RAD51B: variants seen among roughly 807,000 people sequenced by gnomAD.
RAD51B encodes RAD51 paralog B.
In RAD51B, 38 loss-of-function variants were observed where a neutral mutation model predicts 42.2. The ratio of observed to expected loss-of-function variants is 0.90; its 90% confidence interval spans 0.70 to 1.18. The LOEUF (loss-of-function observed/expected upper bound fraction) is 1.18. Ranked by LOEUF, RAD51B falls within the 50% of genes most tolerant of loss-of-function variation. The pLI is 0.00. For missense variants in RAD51B, 373 were observed against 400.7 expected, an observed-to-expected ratio of 0.93 and a Z score of 0.59; for synonymous variants, 154 against 145.2, an observed-to-expected ratio of 1.06 and a Z score of -0.43.
intron 7 of RAD51B, among the ~76,000 whole-genome samples, chr14:68,172,004 G>A (rs2078883662): frequency 6.6e-6 from 1 of 152,168 alleles, no homozygotes; most frequent in Admixed American, 6.6e-5. Context: ...ACCACACCCA[G>A]CCATATTTCT....
At chr14:68,236,044 C>T (rs1003190111) in intron 7 of RAD51B, among the ~76,000 whole-genome samples, 3 of 152,028 alleles carry the variant, frequency 2.0e-5, no homozygotes, top group Admixed American at 1.3e-4. Flanking sequence ...ATAACAGACA[C>T]CAGGGCCTAC....
intron 7 of RAD51B, among the ~76,000 whole-genome samples, chr14:67,948,520 A>G (rs2074377088): frequency 2.0e-5 from 3 of 152,304 alleles, no homozygotes; most frequent in South Asian, 4.2e-4. Flanking sequence ...GACCATCACA[A>G]TAAAGTAACT....
intron 8 of RAD51B, among the ~76,000 whole-genome samples, chr14:68,383,964 G>A (rs1003959672): frequency 6.6e-6 from 1 of 152,230 alleles, no homozygotes; most frequent in Non-Finnish European, 1.5e-5. Context: ...GAGTGAGCAG[G>A]TTGCCCCTGA....
At chr14:68,068,935 G>C (rs2076697344) in intron 7 of RAD51B, among the ~76,000 whole-genome samples, 4 of 152,102 alleles carry the variant, frequency 2.6e-5, no homozygotes, top group African/African-American at 2.4e-5. Flanking sequence ...CTCGATTATT[G>C]CAAGTCTTTG....
intron 9 of RAD51B, among the ~76,000 whole-genome samples, chr14:68,466,662 G>A (rs1480033091): frequency 1.3e-5 from 2 of 152,214 alleles, no homozygotes; most frequent in Admixed American, 6.5e-5. Context: ...AAAGTGGAGG[G>A]CACGCAGTTT....
At chr14:68,204,657 T>G (rs1409790820) in intron 7 of RAD51B, among the ~76,000 whole-genome samples, 1 of 152,182 alleles carries the variant, frequency 6.6e-6, no homozygotes, top group African/African-American at 2.4e-5. Context: ...AAGGTATGTC[T>G]CTAGTGTGTT....
At chr14:68,228,317 T>A (rs759898977) in intron 7 of RAD51B, among the ~76,000 whole-genome samples, 8 of 152,198 alleles carry the variant, frequency 5.3e-5, no homozygotes, top group Non-Finnish European at 1.0e-4. Context: ...ATTCACTTAG[T>A]GAAAATATTT....
downstream of RAD51B, among the ~76,000 whole-genome samples, chr14:68,612,853 G>A: frequency 6.6e-6 from 1 of 151,324 alleles, no homozygotes; most frequent in Admixed American, 6.6e-5. Flanking sequence ...GAGGGAGAGG[G>A]GAAGGGAGGA....
intron 7 of RAD51B, among the ~76,000 whole-genome samples, chr14:67,958,437 A>G (rs2074594654): frequency 6.6e-6 from 1 of 152,228 alleles, no homozygotes; most frequent in South Asian, 2.1e-4. Flanking sequence ...ACTCTCTTGA[A>G]AAAAGATGAA....
At chr14:68,314,705 G>A (rs2082022496) in intron 8 of RAD51B, among the ~76,000 whole-genome samples, 2 of 152,086 alleles carry the variant, frequency 1.3e-5, no homozygotes, top group African/African-American at 4.8e-5. Flanking sequence ...GATTCATTCA[G>A]GATCATCCAC....
intron 7 of RAD51B, among the ~76,000 whole-genome samples, chr14:67,959,861 C>T (rs1423219368): frequency 2.6e-5 from 4 of 152,128 alleles, no homozygotes; most frequent in Non-Finnish European, 4.4e-5. Context: ...AGGTGGATCA[C>T]TTGCGGTCAG....
chr14:68,316,947 T>C (rs187992109), intron 8 of RAD51B, among the ~76,000 whole-genome samples: 2 of 152,292 alleles, frequency 1.3e-5, no homozygotes, highest in South Asian at 2.1e-4. Flanking sequence ...TAGAACTTCG[T>C]TGGAGTTATT....
chr14:68,144,187 C>T (rs1381551073), intron 7 of RAD51B, among the ~76,000 whole-genome samples: 1 of 152,128 alleles, frequency 6.6e-6, no homozygotes, highest in African/African-American at 2.4e-5. Flanking sequence ...CTCCTAAGGC[C>T]CAGAGAGCTC....
chr14:68,198,410 T>C (rs76156434), intron 7 of RAD51B, among the ~76,000 whole-genome samples: 4,300 of 152,188 alleles, frequency 0.028, 228 homozygotes, highest in African/African-American at 0.099. Context: ...AAAAAATCAA[T>C]TTTTTTGGTA....
chr14:68,639,333 G>A (rs1219754938), intron 10 of RAD51B, among the ~76,000 whole-genome samples: 1 of 152,202 alleles, frequency 6.6e-6, no homozygotes, highest in East Asian at 1.9e-4. Context: ...TGGCTCCACG[G>A]TCAGCCTGGA....
chr14:68,114,642 T>C (rs1446536496), intron 7 of RAD51B, among the ~76,000 whole-genome samples: 2 of 152,186 alleles, frequency 1.3e-5, no homozygotes, highest in South Asian at 4.1e-4. Context: ...TATCAACTTA[T>C]GTTTCATTGT....
chr14:68,010,117 T>C (rs1225133073), intron 7 of RAD51B, among the ~76,000 whole-genome samples: 1 of 151,950 alleles, frequency 6.6e-6, no homozygotes, highest in Non-Finnish European at 1.5e-5. Context: ...TATGCTATTA[T>C]CATTTCATTC....
At chr14:68,499,015 G>C (rs1204219297) in intron 10 of RAD51B, among the ~76,000 whole-genome samples, 1 of 152,180 alleles carries the variant, frequency 6.6e-6, no homozygotes, top group Non-Finnish European at 1.5e-5. Context: ...GGAGGCCTTT[G>C]AGAAAAGAGA....
At chr14:68,306,624 C>A (rs778358536) in intron 8 of RAD51B, 2 of 515,782 alleles carry the variant, frequency 3.9e-6, no homozygotes, top group Non-Finnish European at 3.9e-6. Flanking sequence ...GAAATATAAC[C>A]TTGATCCTCT....
Sources: gnomAD v4.1 joint callset for allele counts (sites outside exome capture counted in the v4.1 genomes callset) on GRCh38, gnomAD v4.1.1 for gene constraint, MANE v1.5 for transcripts, NCBI Gene and HGNC (gene_info 2026-07-23, HGNC 2026-07-21) for gene names.